Variants in CDKAL1 observed in about 807,000 individuals in gnomAD.
The protein encoded by CDKAL1 is threonylcarbamoyladenosine tRNA methylthiotransferase.
Under a neutral mutation model 68.2 loss-of-function variants are expected in CDKAL1, and 32 were observed. The ratio of observed to expected loss-of-function variants is 0.47; its 90% CI spans 0.35 to 0.63. The LOEUF (loss-of-function observed/expected upper bound fraction) is 0.63, where lower values mean the gene tolerates loss of function less well. Among genes scored for constraint, CDKAL1 ranks in the 30% least tolerant of loss-of-function variants. The pLI is 0.00. For synonymous variants in CDKAL1, 234 were observed against 244.3 expected, an observed-to-expected ratio of 0.96 and a Z score of 0.39; for missense variants, 606 against 696.7, an observed-to-expected ratio of 0.87 and a Z score of 1.47.
At chr6:20,775,818 G>C (rs1775146661) in intron 7 of CDKAL1, among the ~76,000 whole-genome samples, 2 of 152,142 alleles carry the variant, frequency 1.3e-5, no homozygotes, top group African/African-American at 4.8e-5. Context: ...CAGCAGTTTT[G>C]CTTGAAAGAG....
chr6:21,081,572 C>CTTTTTTT (rs201718303), intron 12 of CDKAL1, among the ~76,000 whole-genome samples: 1 of 137,468 alleles, frequency 7.3e-6, no homozygotes, highest in African/African-American at 2.7e-5. Context: ...AATGATATAT[C>CTTTTTTT]TTTTTTTTTT....
intron 2 of CDKAL1, among the ~76,000 whole-genome samples, chr6:20,542,234 C>T (rs113497856): frequency 2.6e-5 from 4 of 152,156 alleles, no homozygotes; most frequent in African/African-American, 7.2e-5. Flanking sequence ...AAGGAAAATT[C>T]ATCAGAAAGC....
At chr6:20,551,076 A>G (rs960839857) in intron 4 of CDKAL1, among the ~76,000 whole-genome samples, 6 of 151,836 alleles carry the variant, frequency 4.0e-5, no homozygotes, top group African/African-American at 1.5e-4. Context: ...CGTGTTAGCC[A>G]GGATGGTCTC....
At chr6:20,626,991 A>G (rs1364905405) in intron 4 of CDKAL1, among the ~76,000 whole-genome samples, 1 of 152,166 alleles carries the variant, frequency 6.6e-6, no homozygotes, top group Non-Finnish European at 1.5e-5. Context: ...AGGGAGAAGG[A>G]GTTTGGAAAT....
rs60084439 is a variant in CDKAL1 at position 21,020,774 on chromosome 6, C to CTTTTTTTTT, written c.1055+20412_1055+20420dup. Reference sequence around the variant, plus strand: ...GAGCCACCGTGCCTGGCCTTTTTTCCTTTTTTTTTTTTTTTTTTAAGAGAT... The same window carrying CTTTTTTTTT: ...GAGCCACCGTGCCTGGCCTTTTTTCCTTTTTTTTTTTTTTTTTTTTTTTTTTTAAGAGAT... On this transcript the variant is annotated intron_variant, in intron 11 of 15. Coordinates refer to ENST00000274695, the MANE Select transcript of CDKAL1 (RefSeq NM_017774.3). 4.7e-3 allele frequency among the ~76,000 whole-genome samples: 620 copies of CTTTTTTTTT among 132,750 alleles called. 10 individuals are homozygous for CTTTTTTTTT. The highest frequency in any genetic ancestry group is 0.016 in the African/African-American group (575 of 35,528). The allele number at this position is 132,750 out of a possible 152,430, so 87.1% of individuals were successfully genotyped here.
chr6:20,966,372 A>G (rs1765313445), intron 10 of CDKAL1, among the ~76,000 whole-genome samples: 1 of 152,220 alleles, frequency 6.6e-6, no homozygotes, highest in South Asian at 2.1e-4. Context: ...TGGAAACATA[A>G]GGATTATTGT....
intron 9 of CDKAL1, among the ~76,000 whole-genome samples, chr6:20,858,137 G>A (rs1759433447): frequency 6.6e-6 from 1 of 152,166 alleles, no homozygotes; most frequent in East Asian, 1.9e-4. Context: ...GGGATTACAG[G>A]CGTGAGCTAC....
chr6:20,717,706 T>G (rs577608815), intron 5 of CDKAL1, among the ~76,000 whole-genome samples: 12 of 152,196 alleles, frequency 7.9e-5, no homozygotes, highest in Non-Finnish European at 1.8e-4. Context: ...TTATTGTGGT[T>G]AGCAATATAT....
chr6:20,746,010 T>G (rs1581495212), intron 6 of CDKAL1, among the ~76,000 whole-genome samples: 1 of 152,232 alleles, frequency 6.6e-6, no homozygotes, highest in Non-Finnish European at 1.5e-5. Flanking sequence ...AAACACTGTT[T>G]CTGTGTGTGA....
At chr6:20,886,644 A>T (rs775943365) in intron 9 of CDKAL1, among the ~76,000 whole-genome samples, 2 of 152,250 alleles carry the variant, frequency 1.3e-5, no homozygotes, top group Non-Finnish European at 2.9e-5. Flanking sequence ...ACACAAAAGG[A>T]CAAATATTGT....
intron 5 of CDKAL1, among the ~76,000 whole-genome samples, chr6:20,730,616 G>A (rs1229792573): frequency 3.9e-5 from 6 of 151,914 alleles, no homozygotes; most frequent in Non-Finnish European, 8.8e-5. Context: ...AGGCCGAGGC[G>A]GGCAGATCAC....
Position 20,648,394 on chromosome 6 carries a change from C to CTT in CDKAL1, c.287-898_287-897insTT, listed in dbSNP as rs1762366468. On this transcript the variant is annotated intron_variant, in intron 4 of 15. Coordinates refer to ENST00000274695, the MANE Select transcript of CDKAL1 (RefSeq NM_017774.3). Reference sequence around the variant, plus strand: ...CCACCCTCCACAGCCTCCCAAAGTGCTGGGATTACGGGAGTGAGCCACTGC... The same window carrying CTT: ...CCACCCTCCACAGCCTCCCAAAGTGCTTTGGGATTACGGGAGTGAGCCACTGC... Among the ~76,000 whole-genome samples the CTT allele has an allele frequency of 5.3e-5, 8 of 152,228 alleles. No individual in the cohort carries two copies. The South Asian group carries it at 1.5e-3, about 28-fold the overall frequency.
chr6:21,231,092 T>G lies in CDKAL1; in HGVS notation c.*53T>G. 1.4e-6 allele frequency: 2 copies of G among 1,397,496 alleles called. No homozygotes were observed. Among genetic ancestry groups the G allele is most frequent in the Non-Finnish European group, 2.0e-6 (2 of 1,016,292 alleles). 86.6% of individuals were successfully genotyped at this position (1,397,496 alleles called of 1,614,324 possible). A position where few individuals can be genotyped will look rare whatever the true frequency, so the allele number is the denominator to read the frequency against. On this transcript the variant is annotated 3_prime_UTR_variant, in exon 16 of 16. Coordinates refer to ENST00000274695, the MANE Select transcript of CDKAL1 (RefSeq NM_017774.3). The stretch of plus-strand genomic sequence containing the variant: ...GAAGAATACATTTCTAATTAAAATC[T>G]TCAATGAACAGGAAAGCGACATCTC...
intron 13 of CDKAL1, among the ~76,000 whole-genome samples, chr6:21,157,846 T>C (rs1776719711): frequency 6.6e-6 from 1 of 152,264 alleles, no homozygotes; most frequent in Admixed American, 6.5e-5. Context: ...CATCCTTCTG[T>C]TGTGAATTAA....
intron 8 of CDKAL1, among the ~76,000 whole-genome samples, chr6:20,796,674 G>C (rs962045689): frequency 1.3e-5 from 2 of 152,184 alleles, no homozygotes; most frequent in Non-Finnish European, 2.9e-5. Flanking sequence ...AGTCCAGGAA[G>C]GTCAGACCCA....
intron 13 of CDKAL1, among the ~76,000 whole-genome samples, chr6:21,175,057 A>G (rs537676867): frequency 6.6e-6 from 1 of 152,300 alleles, no homozygotes; most frequent in East Asian, 1.9e-4. Context: ...ACCAGACTTG[A>G]GTTTTTAAAA....
intron 4 of CDKAL1, among the ~76,000 whole-genome samples, chr6:20,577,406 A>C (rs1764958513): frequency 6.6e-6 from 1 of 152,198 alleles, no homozygotes. Flanking sequence ...TTCAGACTTC[A>C]AAAGAAATCT....
At chr6:20,842,249 A>G (rs1404786849) in intron 8 of CDKAL1, among the ~76,000 whole-genome samples, 1 of 152,192 alleles carries the variant, frequency 6.6e-6, no homozygotes, top group Non-Finnish European at 1.5e-5. Context: ...TTTACACTGC[A>G]TGGCTTTTTT....
At chr6:20,592,173 G>T (rs909516372) in intron 4 of CDKAL1, among the ~76,000 whole-genome samples, 4 of 152,098 alleles carry the variant, frequency 2.6e-5, no homozygotes. Context: ...CTTTCTGTTT[G>T]TCTGTTATTG....
Sources: gnomAD v4.1 joint callset for allele counts (sites outside exome capture counted in the v4.1 genomes callset) on GRCh38, gnomAD v4.1.1 for gene constraint, MANE v1.5 for transcripts, NCBI Gene and HGNC (gene_info 2026-07-23, HGNC 2026-07-21) for gene names.